SMAD3: variants seen among roughly 807,000 people sequenced by gnomAD.
SMAD3 encodes SMAD family member 3.
Under a neutral mutation model 51.8 loss-of-function variants are expected in SMAD3, and 12 were observed. The ratio of observed to expected loss-of-function variants is 0.23; its 90% CI spans 0.15 to 0.38. The LOEUF is 0.38. Ranked by LOEUF, SMAD3 falls within the 10% of genes least tolerant of loss-of-function variation. SMAD3 has a pLI of 1.00. For missense variants in SMAD3, 294 were observed against 565.6 expected (o/e 0.52, Z 4.87); for synonymous variants, 238 against 227.7 (o/e 1.05, Z -0.41).
chr15:67,108,790 T>C (rs1331536780), intron 1 of SMAD3, among the ~76,000 whole-genome samples: 1 of 152,156 alleles, frequency 6.6e-6, no homozygotes, highest in Non-Finnish European at 1.5e-5. Flanking sequence ...CATTTGGTCC[T>C]TGCAGCCTGC....
intron 1 of SMAD3, among the ~76,000 whole-genome samples, chr15:67,134,107 TGTGCTG>T (rs1360850483): frequency 6.6e-6 from 1 of 152,126 alleles, no homozygotes; most frequent in Non-Finnish European, 1.5e-5. Flanking sequence ...AGGTTTCAGA[TGTGCTG>T]GTGCTTACCG....
chr15:67,066,582 C>T (rs1036272142), intron 1 of SMAD3, among the ~76,000 whole-genome samples: 1 of 152,242 alleles, frequency 6.6e-6, no homozygotes, highest in African/African-American at 2.4e-5. Flanking sequence ...CCGAGGCTTC[C>T]ACGCGGCACT....
chr15:67,151,929 A>G (rs1473736975), intron 1 of SMAD3, among the ~76,000 whole-genome samples: 3 of 152,312 alleles, frequency 2.0e-5, no homozygotes, highest in Admixed American at 1.3e-4. Flanking sequence ...ACTATGTAAT[A>G]TATGATTATA....
At chr15:67,166,909 A>C in intron 4 of SMAD3, 56 bp downstream of exon 4, 1 of 1,260,702 alleles carries the variant, frequency 7.9e-7, no homozygotes, top group Non-Finnish European at 1.1e-6. Context: ...TGGTGGGTTC[A>C]TCCCTTCCAT....
chr15:67,188,840 C>T (rs1337310277), intron 8 of SMAD3, among the ~76,000 whole-genome samples: 1 of 152,260 alleles, frequency 6.6e-6, no homozygotes, highest in Non-Finnish European at 1.5e-5. Context: ...GTCAGATTCT[C>T]ATTAGAGGAT....
chr15:67,118,688 T>C (rs1244233497), intron 1 of SMAD3, among the ~76,000 whole-genome samples: 1 of 152,184 alleles, frequency 6.6e-6, no homozygotes. Flanking sequence ...CTCAATGTGA[T>C]GTGGGTGTCC....
intron 1 of SMAD3, among the ~76,000 whole-genome samples, chr15:67,099,947 C>T (rs1960711637): frequency 6.6e-6 from 1 of 152,070 alleles, no homozygotes; most frequent in Non-Finnish European, 1.5e-5. Context: ...TTTGGGAGAC[C>T]AAGGTGGGTG....
intron 1 of SMAD3, among the ~76,000 whole-genome samples, chr15:67,086,217 G>C (rs774158139): frequency 4.6e-5 from 7 of 152,128 alleles, no homozygotes; most frequent in African/African-American, 7.2e-5. Context: ...TCAGTTCTTT[G>C]GCATTGCCCC....
chr15:67,071,095 A>C (rs186893130), intron 1 of SMAD3, among the ~76,000 whole-genome samples: 1 of 152,324 alleles, frequency 6.6e-6, no homozygotes, highest in East Asian at 1.9e-4. Flanking sequence ...CATGAGCTGC[A>C]GCTGAGGAAT....
intron 1 of SMAD3, among the ~76,000 whole-genome samples, chr15:67,118,380 G>A (rs1301533552): frequency 3.3e-5 from 5 of 152,224 alleles, no homozygotes; most frequent in Non-Finnish European, 5.9e-5. Flanking sequence ...TGTATTTTCT[G>A]CTACTAAGTA....
chr15:67,116,306 C>G (rs1297977805), intron 1 of SMAD3, among the ~76,000 whole-genome samples: 1 of 152,198 alleles, frequency 6.6e-6, no homozygotes, highest in Non-Finnish European at 1.5e-5. Flanking sequence ...CAGTGCCTAG[C>G]ACACAGTGGA....
At chr15:67,098,972 AC>A in intron 1 of SMAD3, 1 of 702,372 alleles carries the variant, frequency 1.4e-6, no homozygotes, top group Middle Eastern at 2.3e-4. Context: ...ACAAATGTGG[AC>A]TTTTGCCCCA....
At chr15:67,104,785 C>G (rs1960840176) in intron 1 of SMAD3, among the ~76,000 whole-genome samples, 1 of 152,272 alleles carries the variant, frequency 6.6e-6, no homozygotes, top group South Asian at 2.1e-4. Flanking sequence ...ACAGAGACCT[C>G]TGGGCCTAGA....
intron 1 of SMAD3, among the ~76,000 whole-genome samples, chr15:67,147,648 C>T (rs1251287947): frequency 3.3e-5 from 5 of 152,168 alleles, no homozygotes; most frequent in Non-Finnish European, 7.4e-5. Context: ...CCACTGCCCC[C>T]GCCCCAGTGT....
At chr15:67,084,201 G>A (rs1474476968) in intron 1 of SMAD3, among the ~76,000 whole-genome samples, 1 of 149,128 alleles carries the variant, frequency 6.7e-6, no homozygotes, top group Non-Finnish European at 1.5e-5. Flanking sequence ...TCAGCCTCCC[G>A]AGTAGCTGGC....
intron 1 of SMAD3, chr15:67,142,822 G>A (rs779488929): frequency 2.2e-6 from 1 of 453,794 alleles, no homozygotes; most frequent in Non-Finnish European, 4.4e-6. Flanking sequence ...TAAGGGCCCT[G>A]TGGGGCAGCT....
chr15:67,141,177 G>A (rs979392690), intron 1 of SMAD3, among the ~76,000 whole-genome samples: 4 of 152,240 alleles, frequency 2.6e-5, no homozygotes, highest in Non-Finnish European at 5.9e-5. Flanking sequence ...CTGACCGCAA[G>A]TGAGGTGGGG....
chr15:67,179,476 T>C (rs1422891594), intron 5 of SMAD3, among the ~76,000 whole-genome samples: 1 of 151,922 alleles, frequency 6.6e-6, no homozygotes, highest in African/African-American at 2.4e-5. Flanking sequence ...AGTGCTGAAG[T>C]TGAAAAACCT....
chr15:67,164,511 C>G (rs1308016971), intron 1 of SMAD3, among the ~76,000 whole-genome samples: 1 of 152,192 alleles, frequency 6.6e-6, no homozygotes, highest in Non-Finnish European at 1.5e-5. Flanking sequence ...CCAGCCCTGT[C>G]CCCTCTCCAC....
Sources: gnomAD v4.1 joint callset for allele counts (sites outside exome capture counted in the v4.1 genomes callset) on GRCh38, gnomAD v4.1.1 for gene constraint, MANE v1.5 for transcripts, NCBI Gene and HGNC (gene_info 2026-07-23, HGNC 2026-07-21) for gene names.